ELFN2: variants seen among roughly 807,000 people sequenced by gnomAD.
The protein encoded by ELFN2 is extracellular leucine rich repeat and fibronectin type III domain containing 2.
In ELFN2, 17 loss-of-function variants were observed where a neutral mutation model predicts 45.5. The ratio of observed to expected loss-of-function variants is 0.37; its 90% confidence interval spans 0.26 to 0.56. ELFN2 has a LOEUF of 0.56. ELFN2 is among the 20% of genes least tolerant of loss of function. The pLI is 0.77. For missense variants in ELFN2, 922 were observed against 1,183.2 expected, an observed-to-expected ratio of 0.78 and a Z score of 3.24; for synonymous variants, 550 against 551.5, an observed-to-expected ratio of 1.00 and a Z score of 0.04.
At chr22:37,343,990 C>T (rs1203784035) in intron 1 of ELFN2, among the ~76,000 whole-genome samples, 3 of 151,562 alleles carry the variant, frequency 2.0e-5, no homozygotes, top group Admixed American at 6.6e-5. Flanking sequence ...CAGCACTGCT[C>T]GCCCACCTGC....
intron 2 of ELFN2, among the ~76,000 whole-genome samples, chr22:37,402,997 G>A (rs1288862644): frequency 1.3e-5 from 2 of 152,222 alleles, no homozygotes; most frequent in Middle Eastern, 3.4e-3. Context: ...CCGGGCCAGA[G>A]ACCATGCCTC....
chr22:37,395,305 A>C (rs184169567), intron 2 of ELFN2, among the ~76,000 whole-genome samples: 146 of 152,220 alleles, frequency 9.6e-4, no homozygotes, highest in African/African-American at 3.3e-3. Context: ...GAAGTAGTCA[A>C]GGAGCATCAA....
At chr22:37,407,150 G>A (rs890222947) in intron 2 of ELFN2, among the ~76,000 whole-genome samples, 30 of 152,112 alleles carry the variant, frequency 2.0e-4, no homozygotes, top group African/African-American at 5.3e-4. Context: ...TGTGTGTGTC[G>A]TATGTGTACA....
intron 2 of ELFN2, among the ~76,000 whole-genome samples, chr22:37,381,268 A>C (rs1931754799): frequency 6.6e-6 from 1 of 152,082 alleles, no homozygotes; most frequent in Admixed American, 6.5e-5. Context: ...AAGGGCTGGG[A>C]CCATGGCAGG....
In ELFN2 at chr22:37,374,996, C is replaced by A; in HGVS notation, c.539G>T (p.Cys180Phe). Residue 180 changes from cysteine (C) to phenylalanine (F), a missense_variant, in exon 3 of 3, where the codon TGT (cysteine) becomes TTT (phenylalanine). By Grantham distance (205) the Cys-to-Phe change is radical. This residue lies in a region of ELFN2 where 358 missense variants were observed against 540.4 expected (regional missense o/e 0.66). Transcript: ENST00000402918. Reference protein sequence around the residue: ...TFASLASLMVCELAGNPFNCE... With the variant: ...TFASLASLMVFELAGNPFNCE... ...GTTGAAGGGGTTGCCGGCCAGCTCA[C>A]ACACCATCAGGCTGGCGAGGCTGGC... 6.2e-7 allele frequency: 1 copy of A among 1,613,502 alleles called. No homozygotes were observed. Among genetic ancestry groups the A allele is most frequent in the Non-Finnish European group, 8.5e-7 (1 of 1,180,022 alleles).
chr22:37,404,196 G>A (rs1224069824), intron 2 of ELFN2, among the ~76,000 whole-genome samples: 4 of 152,214 alleles, frequency 2.6e-5, no homozygotes, highest in African/African-American at 4.8e-5. Flanking sequence ...GGGCAGTGGG[G>A]AGCCAGTGAC....
chr22:37,348,099 G>C (rs908989957), intron 1 of ELFN2, among the ~76,000 whole-genome samples: 1 of 152,222 alleles, frequency 6.6e-6, no homozygotes, highest in Non-Finnish European at 1.5e-5. Flanking sequence ...CTCAACCTCA[G>C]GGGCCCAATT....
At chr22:37,399,132 C>G (rs55675002) in intron 2 of ELFN2, among the ~76,000 whole-genome samples, 55,592 of 151,920 alleles carry the variant, frequency 0.37, 10,264 homozygotes, top group African/African-American at 0.4. Flanking sequence ...CTTCTTACCC[C>G]TCTCTGAACT....
rs558029911 is a variant in ELFN2, at chr22:37,374,905, G to A, written c.630C>T (p.Tyr210=). Residue 210 remains tyrosine, a synonymous_variant, in exon 3 of 3, where the codon TAC becomes TAT. Coordinates refer to ENST00000402918, the MANE Select transcript of ELFN2 (RefSeq NM_052906.5). ...LVVFNNVTKN[Y]DRLQCESPRE... ...GCGGCGACTCACACTGCAGGCGGTCGTAGTTCTTGGTGACGTTGTTGAAGA... is the reference window on the plus strand; with the variant it reads ...GCGGCGACTCACACTGCAGGCGGTCATAGTTCTTGGTGACGTTGTTGAAGA... 5.3e-5 allele frequency: 86 copies of A among 1,612,026 alleles called. No individual in the cohort carries two copies. The highest frequency in any genetic ancestry group is 4.0e-4 in the East Asian group (18 of 44,882).
At chr22:37,385,770 C>G (rs1005166271) in intron 2 of ELFN2, among the ~76,000 whole-genome samples, 1 of 152,192 alleles carries the variant, frequency 6.6e-6, no homozygotes, top group Admixed American at 6.5e-5. Context: ...CTCGAGCCCC[C>G]CTCCCCTATC....
intron 1 of ELFN2, among the ~76,000 whole-genome samples, chr22:37,419,303 GA>G (rs1932791042): frequency 6.6e-6 from 1 of 151,890 alleles, no homozygotes; most frequent in Non-Finnish European, 1.5e-5. Flanking sequence ...GCAGGGATGG[GA>G]AAGCACCCCA....
chr22:37,408,235 G>A (rs1260048335), intron 2 of ELFN2, among the ~76,000 whole-genome samples: 1 of 152,216 alleles, frequency 6.6e-6, no homozygotes, highest in Non-Finnish European at 1.5e-5. Context: ...ACAGGTATGT[G>A]CCTGATGATG....
chr22:37,351,296 G>C (rs1174284079), intron 1 of ELFN2, among the ~76,000 whole-genome samples: 1 of 149,530 alleles, frequency 6.7e-6, no homozygotes, highest in Non-Finnish European at 1.5e-5. Context: ...CACCCCAGGA[G>C]CTTCCTCTCT....
rs1370143611 is a variant in ELFN2, at chr22:37,374,019, G to A, written c.1516C>T (p.Arg506Cys). The change falls in exon 3 of 3, where the codon CGC (arginine) becomes TGC (cysteine). Residue 506 changes from arginine (R) to cysteine (C), a missense_variant. Coordinates refer to ENST00000402918, the MANE Select transcript of ELFN2 (RefSeq NM_052906.5). ...AGACCGTCCCCGCCGGCGCCTGTGC[G>A]CACCTCGATATAGTTGCCTTTGGTG... ...VATKGNYIEV[R>C]TGAGGDGLAR... 28 of 1,613,030 alleles carry A rather than the reference G, an allele frequency of 1.7e-5. No homozygotes were observed. Among genetic ancestry groups the A allele is most frequent in the East Asian group, 4.5e-5 (2 of 44,882 alleles).
Position 37,374,086 on chromosome 22 carries a change from G to C in ELFN2, c.1449C>G (p.Thr483=), listed in dbSNP as rs201073943. The C allele has an allele frequency of 6.2e-7, 1 of 1,613,030 alleles. No individual in the cohort carries two copies. The highest frequency in any genetic ancestry group is 1.3e-5 in the African/African-American group (1 of 74,938). ...IPSMIGEKLP[T]AKGLEAGLDT... is the part of the protein sequence containing the mutation. ...CCAGCCCGGCCTCCAACCCCTTGGC[G>C]GTGGGCAGCTTCTCCCCGATCATGG... Residue 483 remains threonine (T), a synonymous_variant, in exon 3 of 3, where the codon ACC becomes ACG. Coordinates refer to ENST00000402918, the MANE Select transcript of ELFN2 (RefSeq NM_052906.5).
rs1230509283 is a variant in ELFN2 at position 37,345,392 on chromosome 22, T to A, written n.149-2689A>T. Among the ~76,000 whole-genome samples the A allele has an allele frequency of 2.0e-5, 3 of 152,298 alleles. No individual in the cohort carries two copies. The East Asian group carries it at 5.8e-4, about 29-fold the overall frequency. Reference sequence around the variant, plus strand: ...TGATCTCAGCAAGTCGCTCCACTTCTCTGAGCCTTAGTTCCTTATGCATAA... The same window carrying A: ...TGATCTCAGCAAGTCGCTCCACTTCACTGAGCCTTAGTTCCTTATGCATAA... On this transcript the variant is annotated intron_variant and non_coding_transcript_variant, in intron 1 of 2. Transcript: ENST00000452946.
chr22:37,352,761 T>C (rs1353979898), intron 1 of ELFN2, among the ~76,000 whole-genome samples: 1 of 150,834 alleles, frequency 6.6e-6, no homozygotes, highest in Non-Finnish European at 1.5e-5. Context: ...CCAGATCACA[T>C]CCTGCCTGGA....
At chr22:37,397,557 G>A (rs372031260) in intron 2 of ELFN2, among the ~76,000 whole-genome samples, 1 of 152,184 alleles carries the variant, frequency 6.6e-6, no homozygotes, top group Non-Finnish European at 1.5e-5. Context: ...GAAAGGAGGG[G>A]GAACGTGGAC....
At chr22:37,425,690 A>G (rs1932842279) in intron 1 of ELFN2, among the ~76,000 whole-genome samples, 1 of 152,076 alleles carries the variant, frequency 6.6e-6, no homozygotes, top group East Asian at 1.9e-4. Context: ...GATGGCCCAG[A>G]GGTACCCACC....
Sources: allele counts gnomAD v4.1 joint callset (sites outside exome capture counted in the v4.1 genomes callset), GRCh38; gene constraint gnomAD v4.1.1; regional missense constraint gnomAD v4.1.1; transcripts MANE v1.5; gene names NCBI Gene and HGNC (gene_info 2026-07-23, HGNC 2026-07-21).